Variants in SVIL observed in about 807,000 individuals in gnomAD.
SVIL encodes archvillin.
In SVIL, 101 loss-of-function variants were observed where a neutral mutation model predicts 240.4. The ratio of observed to expected loss-of-function variants is 0.42; its 90% CI spans 0.36 to 0.50. The LOEUF is 0.50. Among genes scored for constraint, SVIL ranks in the 20% least tolerant of loss-of-function variants. The pLI is 0.01. For synonymous variants in SVIL, 999 were observed against 1,100.0 expected, an observed-to-expected ratio of 0.91 and a Z score of 1.82; for missense variants, 2,512 against 2,818.7, an observed-to-expected ratio of 0.89 and a Z score of 2.46.
In SVIL at chr10:29,546,218, T is replaced by G. The variant is rs577380248; in HGVS notation, c.827+4379A>C. 3.7e-4 allele frequency among the ~76,000 whole-genome samples: 56 copies of G among 152,344 alleles called. 1 individual carries two copies. The South Asian group carries it at 0.012, about 32-fold the overall frequency. Reference sequence around the variant, plus strand: ...CTAAAACTCACAGTGGTGGAATTAATAAAGAATGGTTCATAATCAGTAACA... The same window carrying G: ...CTAAAACTCACAGTGGTGGAATTAAGAAAGAATGGTTCATAATCAGTAACA... On this transcript the variant is annotated intron_variant, in intron 6 of 37. Coordinates refer to ENST00000355867, the MANE Select transcript of SVIL (RefSeq NM_021738.3).
intron 2 of SVIL, among the ~76,000 whole-genome samples, chr10:29,661,940 A>G (rs1959167743): frequency 6.6e-6 from 1 of 152,144 alleles, no homozygotes; most frequent in South Asian, 2.1e-4. Context: ...CTGAGGTTAC[A>G]GGAGTGAGCC....
chr10:29,570,112 CA>C (rs1459070850), intron 1 of SVIL, among the ~76,000 whole-genome samples: 1 of 152,232 alleles, frequency 6.6e-6, no homozygotes, highest in Non-Finnish European at 1.5e-5. Context: ...AAAATAAGTA[CA>C]AAATATATCA....
At chr10:29,677,279 C>T (rs537200024) in intron 2 of SVIL, among the ~76,000 whole-genome samples, 4 of 152,224 alleles carry the variant, frequency 2.6e-5, no homozygotes, top group South Asian at 4.1e-4. Context: ...GCAATGTGAA[C>T]GATGCTGGAA....
At chr10:29,732,581 G>A (rs1022604297) in intron 1 of SVIL, among the ~76,000 whole-genome samples, 2 of 152,070 alleles carry the variant, frequency 1.3e-5, no homozygotes, top group Non-Finnish European at 2.9e-5. Flanking sequence ...AGTTAGTTTA[G>A]CAATTTTCAG....
chr10:29,549,055 A>C (rs1157227312), intron 6 of SVIL, among the ~76,000 whole-genome samples: 1 of 151,878 alleles, frequency 6.6e-6, no homozygotes, highest in Admixed American at 6.6e-5. Flanking sequence ...ACAGCAAAAG[A>C]AACTACCATC....
rs763874990 is a variant in SVIL, at chr10:29,458,428, G to A, written c.6558+6C>T. 21 of 1,589,244 alleles carry A rather than the reference G, an allele frequency of 1.3e-5. No homozygotes were observed. The highest frequency in any genetic ancestry group is 1.7e-5 in the Non-Finnish European group (20 of 1,165,862). ...CCATCCCCACCCCACCGGAAGAACC[G>A]CTTACCTCGAAGTCTTCGTCGGTGA... On this transcript the variant is annotated splice_donor_region_variant and intron_variant, in intron 37 of 37. Coordinates refer to ENST00000355867, the MANE Select transcript of SVIL (RefSeq NM_021738.3).
intron 17 of SVIL, among the ~76,000 whole-genome samples, chr10:29,507,472 TAAAC>T (rs1400984469): frequency 1.9e-4 from 29 of 151,830 alleles, no homozygotes; most frequent in Admixed American, 1.9e-3. Context: ...AAGAACCAAT[TAAAC>T]ACACACATAC....
chr10:29,727,740 CAAA>C (rs10607348), intron 1 of SVIL, among the ~76,000 whole-genome samples: 26,402 of 129,906 alleles, frequency 0.2, 2,923 homozygotes, highest in Non-Finnish European at 0.28. Context: ...GTCGTGAACA[CAAA>C]AAAAAAAAAA....
intron 5 of SVIL, among the ~76,000 whole-genome samples, chr10:29,552,122 AAC>A (rs1824997244): frequency 9.3e-6 from 1 of 107,356 alleles, no homozygotes; most frequent in Non-Finnish European, 1.9e-5. Flanking sequence ...TGTCTCAAAA[AAC>A]AAAACAAAAA....
chr10:29,694,033 C>T (rs1961727739), intron 1 of SVIL, among the ~76,000 whole-genome samples: 1 of 151,932 alleles, frequency 6.6e-6, no homozygotes, highest in African/African-American at 2.4e-5. Context: ...CTAAGGAGCC[C>T]AGTGTCCTCT....
At chr10:29,645,550 A>G (rs1958628445) in intron 3 of SVIL, among the ~76,000 whole-genome samples, 1 of 152,194 alleles carries the variant, frequency 6.6e-6, no homozygotes, top group Admixed American at 6.5e-5. Flanking sequence ...AGCCTGGGCG[A>G]TAGAGTGAAA....
chr10:29,527,251 G>A (rs2132545801), intron 12 of SVIL, among the ~76,000 whole-genome samples, 195 bp from the exon 13 acceptor site: 1 of 152,232 alleles, frequency 6.6e-6, no homozygotes, highest in Middle Eastern at 3.4e-3. Flanking sequence ...AGAGATAGTG[G>A]CTACCCAAAG....
Position 29,493,298 on chromosome 10 carries a change from T to G in SVIL, c.3935A>C (p.Tyr1312Ser). The change falls in exon 21 of 38, where the codon TAC (tyrosine) becomes TCC (serine). Residue 1312 changes from tyrosine (Y) to serine (S), a missense_variant. Physicochemically the swap from Tyr to Ser is moderately radical, Grantham distance 144 (BLOSUM62 -2). Around this residue, in one of 3 missense-constraint regions of SVIL, gnomAD observed 272 missense variants for 406.8 expected, o/e 0.67. Transcript: ENST00000355867. ...PDDDETFAKF[Y>S]RSVDYNMPRS... The stretch of plus-strand genomic sequence containing the variant: ...TGGCATATTATAATCCACGCTGCGG[T>G]AAAATTTGGCAAAGGTTTCATCATC... 1 of 1,614,144 alleles carries G rather than the reference T, an allele frequency of 6.2e-7. No individual in the cohort carries two copies. Among genetic ancestry groups the G allele is most frequent in the Non-Finnish European group, 8.5e-7 (1 of 1,180,034 alleles).
At chr10:29,520,934 A>G (rs1046167836) in intron 16 of SVIL, among the ~76,000 whole-genome samples, 1 of 150,514 alleles carries the variant, frequency 6.6e-6, no homozygotes, top group African/African-American at 2.4e-5. Flanking sequence ...AAAAAAAAAG[A>G]AAGAAGGGGC....
intron 1 of SVIL, among the ~76,000 whole-genome samples, chr10:29,579,836 C>T (rs1955861430): frequency 6.6e-6 from 1 of 152,092 alleles, no homozygotes; most frequent in Non-Finnish European, 1.5e-5. Context: ...AGCCATTTCC[C>T]ACCAGGGCCG....
chr10:29,660,234 A>G (rs1298226618), intron 2 of SVIL, among the ~76,000 whole-genome samples: 3 of 152,108 alleles, frequency 2.0e-5, no homozygotes. Flanking sequence ...GTTTGGGCCC[A>G]GGAGTTGCAG....
At chr10:29,462,236 G>A (rs1454519039) in intron 36 of SVIL, 41 bp downstream of exon 36, 1 of 1,590,400 alleles carries the variant, frequency 6.3e-7, no homozygotes, top group Non-Finnish European at 8.5e-7. Flanking sequence ...CAATCCAAAA[G>A]GCGCAGGAGC....
intron 1 of SVIL, among the ~76,000 whole-genome samples, chr10:29,572,987 A>G (rs1261518957): frequency 3.3e-5 from 5 of 152,124 alleles, no homozygotes; most frequent in Non-Finnish European, 7.4e-5. Flanking sequence ...ATTTTGAATT[A>G]TTATTAAGGA....
chr10:29,601,215 TTTTA>T lies in SVIL; in HGVS notation c.-200-31907_-200-31904del, dbSNP rs538724445. Among the ~76,000 whole-genome samples, 257 of 152,320 alleles carry T rather than the reference TTTTA, an allele frequency of 1.7e-3. 1 individual carries two copies. In the Middle Eastern group the frequency reaches 0.024, roughly 14 times the overall value. ...ATTGAAAAAAAATTTCCCCCTGGAT[TTTTA>T]TTTATTCACTTTGCTTTCCAAAATG... On this transcript the variant is annotated intron_variant, in intron 1 of 37. Transcript: ENST00000355867.
Sources: gnomAD v4.1 joint callset for allele counts (sites outside exome capture counted in the v4.1 genomes callset) on GRCh38, gnomAD v4.1.1 for gene constraint, gnomAD v4.1.1 regional missense constraint, MANE v1.5 for transcripts, NCBI Gene and HGNC (gene_info 2026-07-23, HGNC 2026-07-21) for gene names.